The following ZNF676 variants were observed in gnomAD, a reference collection of about 807,000 sequenced individuals.
ZNF676 encodes the protein zinc finger protein 676.
Under a neutral mutation model 6.0 loss-of-function variants are expected in ZNF676, and 4 were observed. That is an observed-to-expected ratio of 0.67 (90% confidence interval 0.33 to 1.53). ZNF676 has a LOEUF of 1.53. Ranked by LOEUF, ZNF676 falls within the 40% of genes most tolerant of loss-of-function variation. The probability of loss-of-function intolerance (pLI) is 0.06; values close to 1 mark genes in which losing one functional copy is unlikely to be tolerated. For synonymous variants in ZNF676, 198 were observed against 223.1 expected, an observed-to-expected ratio of 0.89 and a Z score of 1.00; for missense variants, 644 against 679.7, an observed-to-expected ratio of 0.95 and a Z score of 0.58.
chr19:22,187,614 G>A (rs2023856388), intron 2 of ZNF676, among the ~76,000 whole-genome samples: 1 of 151,104 alleles, frequency 6.6e-6, no homozygotes, highest in Admixed American at 6.6e-5. Context: ...AAAATAGATA[G>A]ACTGCTAGCC....
chr19:22,202,005 A>G (rs1375074012), intron 1 of ZNF676, among the ~76,000 whole-genome samples: 4 of 152,172 alleles, frequency 2.6e-5, no homozygotes, highest in Non-Finnish European at 5.9e-5. Flanking sequence ...TCTGACTTTG[A>G]TAACTAAAAG....
chr19:22,254,754 C>A, the ZNF676 span, among the ~76,000 whole-genome samples: 3 of 152,162 alleles, frequency 2.0e-5, no homozygotes, highest in African/African-American at 7.2e-5. Context: ...TGTTCTTGGG[C>A]AGAGACCAAG....
In ZNF676 at chr19:22,215,744, C is replaced by A. The variant is rs181600555; in HGVS notation, c.-110G>T. On this transcript the variant is annotated 5_prime_UTR_variant, in exon 1 of 4. Transcript: ENST00000650058. ...AGGAACAGTAAGGACAAGGCCTTTACCTCCGGCTGCAGCGAGAGACAAAGG... is the reference window on the plus strand; with the variant it reads ...AGGAACAGTAAGGACAAGGCCTTTAACTCCGGCTGCAGCGAGAGACAAAGG... The A allele has an allele frequency of 6.9e-5, 95 of 1,384,922 alleles. No individual in the cohort carries two copies. The East Asian group carries it at 2.3e-3, about 34-fold the overall frequency. 85.8% of individuals were successfully genotyped at this position (1,384,922 alleles called of 1,614,324 possible).
chr19:22,217,773 G>C (rs945041105), upstream of ZNF676, among the ~76,000 whole-genome samples: 1 of 151,742 alleles, frequency 6.6e-6, no homozygotes, highest in African/African-American at 2.4e-5. Flanking sequence ...GTGCGATCTT[G>C]GCTTACTGCA....
chr19:22,248,581 GC>G, the ZNF676 span, among the ~76,000 whole-genome samples: 7 of 152,212 alleles, frequency 4.6e-5, no homozygotes, highest in African/African-American at 1.7e-4. Flanking sequence ...ATTTCTCAGT[GC>G]CGCTGCAATG....
At chr19:22,255,713 C>T in the ZNF676 span, among the ~76,000 whole-genome samples, 4 of 151,784 alleles carry the variant, frequency 2.6e-5, no homozygotes, top group Admixed American at 2.0e-4. Flanking sequence ...GGCGTGGTGG[C>T]GGGTGCCTGT....
At chr19:22,235,801 G>C in the ZNF676 span, among the ~76,000 whole-genome samples, 5 of 152,054 alleles carry the variant, frequency 3.3e-5, no homozygotes, top group African/African-American at 1.2e-4. Flanking sequence ...GGACAGTAAA[G>C]GTGTATTGCT....
chr19:22,255,838 G>C, the ZNF676 span, among the ~76,000 whole-genome samples: 1 of 150,164 alleles, frequency 6.7e-6, no homozygotes, highest in African/African-American at 2.5e-5. Flanking sequence ...TCCAGCCTGG[G>C]TGACAGAGCA....
At chr19:22,230,200 G>A in the ZNF676 span, among the ~76,000 whole-genome samples, 2 of 152,138 alleles carry the variant, frequency 1.3e-5, no homozygotes, top group East Asian at 3.9e-4. Flanking sequence ...TCTTTGCAGG[G>A]ACATGGATGA....
chr19:22,239,003 A>C, the ZNF676 span, among the ~76,000 whole-genome samples: 1 of 152,112 alleles, frequency 6.6e-6, no homozygotes, highest in Admixed American at 6.5e-5. Flanking sequence ...CAGGATTAAT[A>C]CTTTGTATCC....
At chr19:22,225,808 A>C in the ZNF676 span, among the ~76,000 whole-genome samples, 1 of 151,712 alleles carries the variant, frequency 6.6e-6, no homozygotes, top group African/African-American at 2.4e-5. Flanking sequence ...TTTATTGTTC[A>C]GTTTTAAGAG....
chr19:22,204,078 A>C (rs887639356), intron 1 of ZNF676: 1 of 152,176 alleles, frequency 6.6e-6, no homozygotes, highest in Non-Finnish European at 1.5e-5. Context: ...CTAACTGGAG[A>C]GCTATTACAG....
chr19:22,200,515 ATTT>A (rs3035052), upstream of ZNF676, among the ~76,000 whole-genome samples: 105 of 105,848 alleles, frequency 9.9e-4, no homozygotes, highest in Non-Finnish European at 1.1e-3. Context: ...TGCTTCATCA[ATTT>A]TTTTTTTTTT....
the ZNF676 span, among the ~76,000 whole-genome samples, chr19:22,242,680 CTA>C: frequency 6.6e-6 from 1 of 151,930 alleles, no homozygotes; most frequent in South Asian, 2.1e-4. Context: ...TTGGGTCTAG[CTA>C]TGTGTCAAAA....
At chr19:22,188,545 C>T (rs1199612470) in intron 2 of ZNF676, among the ~76,000 whole-genome samples, 1 of 152,046 alleles carries the variant, frequency 6.6e-6, no homozygotes, top group African/African-American at 2.4e-5. Flanking sequence ...AAATGATATT[C>T]AAATAGGAAA....
intron 1 of ZNF676, 72 bp from the exon 2 acceptor site, chr19:22,193,183 T>C: frequency 7.0e-7 from 1 of 1,420,118 alleles, no homozygotes; most frequent in African/African-American, 1.5e-5. Context: ...ATGTGCTCAG[T>C]AAAGAGGATG....
chr19:22,184,497 G>A (rs1432747459), intron 2 of ZNF676, among the ~76,000 whole-genome samples: 1 of 151,956 alleles, frequency 6.6e-6, no homozygotes, highest in Non-Finnish European at 1.5e-5. Flanking sequence ...CCAGTATAGT[G>A]CCCAGAAGGC....
chr19:22,221,006 T>C, the ZNF676 span, among the ~76,000 whole-genome samples: 5 of 152,192 alleles, frequency 3.3e-5, no homozygotes, highest in Admixed American at 2.0e-4. Context: ...CAGTTGGATT[T>C]ATCTTTTCAA....
At chr19:22,231,101 G>C in the ZNF676 span, among the ~76,000 whole-genome samples, 1 of 152,004 alleles carries the variant, frequency 6.6e-6, no homozygotes, top group Non-Finnish European at 1.5e-5. Flanking sequence ...TGAAAATTTT[G>C]AGAGTAAAAT....
Sources: gnomAD v4.1 joint callset for allele counts (sites outside exome capture counted in the v4.1 genomes callset) on GRCh38, gnomAD v4.1.1 for gene constraint, MANE v1.5 for transcripts, NCBI Gene and HGNC (gene_info 2026-07-23, HGNC 2026-07-21) for gene names.